PTPRM: variants seen among roughly 807,000 people sequenced by gnomAD.
PTPRM encodes protein tyrosine phosphatase receptor type M.
A neutral mutation model predicts 186.7 loss-of-function variants in PTPRM; 47 were observed. That is an observed-to-expected ratio of 0.25 (90% confidence interval 0.20 to 0.32). The LOEUF (loss-of-function observed/expected upper bound fraction) is 0.32, where lower values mean the gene tolerates loss of function less well. PTPRM is among the 10% of genes least tolerant of loss of function. PTPRM has a pLI of 1.00. For missense variants in PTPRM, 1,494 were observed against 1,865.0 expected, an observed-to-expected ratio of 0.80 and a Z score of 3.66; for synonymous variants, 668 against 674.9, an observed-to-expected ratio of 0.99 and a Z score of 0.16.
At position 8,406,719 on chromosome 18, in the gene PTPRM, A is replaced by G. The variant is rs544702595; in HGVS notation, c.*557A>G. The G allele has an allele frequency of 3.9e-5, 6 of 152,554 alleles. No homozygotes were observed. In the South Asian group the frequency reaches 1.2e-3, roughly 32 times the overall value. The allele number at this position is 152,554 out of a possible 1,614,324, so 9.5% of individuals were successfully genotyped here. A position where few individuals can be genotyped will look rare whatever the true frequency, so the allele number is the denominator to read the frequency against. On this transcript the variant is annotated 3_prime_UTR_variant, in exon 33 of 33. Transcript: ENST00000580170. ...AGATTTGTATTGTTTCCAAGGGAAA[A>G]GCTTGGGGGAGGACTCAGTTCACAA...
At chr18:7,688,786 A>G (rs1298677685) in intron 1 of PTPRM, among the ~76,000 whole-genome samples, 1 of 152,120 alleles carries the variant, frequency 6.6e-6, no homozygotes, top group African/African-American at 2.4e-5. Flanking sequence ...GAATAAATTT[A>G]TTCCTGTATT....
intron 14 of PTPRM, among the ~76,000 whole-genome samples, chr18:8,228,079 G>T (rs1031826392): frequency 6.6e-6 from 1 of 152,352 alleles, no homozygotes; most frequent in South Asian, 2.1e-4. Context: ...GGGGAATGGC[G>T]TTAGGCGCTC....
chr18:7,981,740 T>C, intron 7 of PTPRM, among the ~76,000 whole-genome samples: 1 of 152,154 alleles, frequency 6.6e-6, no homozygotes, highest in East Asian at 1.9e-4. Flanking sequence ...CAATCAGAGG[T>C]AGCAAGGCCA....
intron 1 of PTPRM, among the ~76,000 whole-genome samples, chr18:7,752,080 A>G (rs893028969): frequency 1.3e-5 from 2 of 152,202 alleles, no homozygotes; most frequent in Admixed American, 6.5e-5. Flanking sequence ...ACCAAGCGTA[A>G]TGACACCTTT....
chr18:7,613,109 G>A (rs1372776884), intron 1 of PTPRM, among the ~76,000 whole-genome samples: 1 of 152,080 alleles, frequency 6.6e-6, no homozygotes, highest in Non-Finnish European at 1.5e-5. Context: ...CATGTGCCTG[G>A]GAAGATAGGT....
chr18:7,939,162 C>T (rs771575934), intron 5 of PTPRM, among the ~76,000 whole-genome samples: 5 of 152,188 alleles, frequency 3.3e-5, no homozygotes, highest in Non-Finnish European at 7.3e-5. Context: ...CAATCAATAT[C>T]TCACAAATGG....
At chr18:8,368,142 C>T (rs1015438664) in intron 23 of PTPRM, among the ~76,000 whole-genome samples, 2 of 150,846 alleles carry the variant, frequency 1.3e-5, no homozygotes, top group Admixed American at 6.7e-5. Context: ...GCTTGCATAA[C>T]TGAAGTCACA....
chr18:8,005,254 T>A (rs566538562), intron 7 of PTPRM, among the ~76,000 whole-genome samples: 178 of 152,292 alleles, frequency 1.2e-3, no homozygotes, highest in African/African-American at 4.0e-3. Flanking sequence ...ATCAAAAAAA[T>A]TCATAAACCC....
intron 2 of PTPRM, among the ~76,000 whole-genome samples, chr18:7,861,644 C>G (rs1328964880): frequency 6.6e-6 from 1 of 151,976 alleles, no homozygotes; most frequent in African/African-American, 2.4e-5. Context: ...GGATCTGGTT[C>G]GTTTTGGTGG....
At chr18:8,176,342 G>A (rs2146524157) in intron 14 of PTPRM, among the ~76,000 whole-genome samples, 1 of 152,340 alleles carries the variant, frequency 6.6e-6, no homozygotes, top group South Asian at 2.1e-4. Context: ...TCTATTGCCA[G>A]TGATTTCAGA....
At chr18:8,401,400 GCA>G (rs765247909) in intron 32 of PTPRM, among the ~76,000 whole-genome samples, 1 of 152,206 alleles carries the variant, frequency 6.6e-6, no homozygotes, top group Non-Finnish European at 1.5e-5. Flanking sequence ...GGTCTCCTTG[GCA>G]CAGAGTGGCT....
At chr18:8,339,206 T>C (rs2148227425) in intron 22 of PTPRM, among the ~76,000 whole-genome samples, 1 of 152,218 alleles carries the variant, frequency 6.6e-6, no homozygotes, top group East Asian at 1.9e-4. Flanking sequence ...CGCCCCCTTT[T>C]TTTTCCCTTT....
At chr18:7,911,378 A>G (rs964265632) in intron 4 of PTPRM, among the ~76,000 whole-genome samples, 13 of 152,170 alleles carry the variant, frequency 8.5e-5, no homozygotes, top group East Asian at 1.9e-4. Flanking sequence ...TATGATTTCA[A>G]TTTCTTCATA....
At chr18:7,889,937 G>A (rs1407366519) in intron 3 of PTPRM, among the ~76,000 whole-genome samples, 1 of 152,210 alleles carries the variant, frequency 6.6e-6, no homozygotes, top group Non-Finnish European at 1.5e-5. Context: ...GTAACTGAAG[G>A]GCGGAGGCCC....
chr18:8,349,867 A>G (rs2095525081), intron 23 of PTPRM, among the ~76,000 whole-genome samples: 1 of 152,226 alleles, frequency 6.6e-6, no homozygotes, highest in African/African-American at 2.4e-5. Context: ...TATCAGTCCC[A>G]GTAGCAGCGT....
chr18:8,304,347 C>T (rs1341897206), intron 20 of PTPRM, among the ~76,000 whole-genome samples: 2 of 152,202 alleles, frequency 1.3e-5, no homozygotes, highest in Admixed American at 1.3e-4. Context: ...TCACCCCAGT[C>T]CAATGCATGC....
intron 13 of PTPRM, among the ~76,000 whole-genome samples, chr18:8,132,866 G>T (rs1217073648): frequency 1.3e-5 from 2 of 152,054 alleles, no homozygotes; most frequent in Non-Finnish European, 2.9e-5. Context: ...TTTTATCATT[G>T]ATGAAAGTTT....
intron 1 of PTPRM, among the ~76,000 whole-genome samples, chr18:7,730,158 A>C (rs1185377863): frequency 6.6e-6 from 1 of 152,186 alleles, no homozygotes; most frequent in South Asian, 2.1e-4. Context: ...ACTAAAATGC[A>C]TGATAACTTT....
In PTPRM at chr18:8,207,885, G is replaced by T. The variant is rs538671436; in HGVS notation, c.2301-36173G>T. 5.6e-4 allele frequency among the ~76,000 whole-genome samples: 85 copies of T among 152,334 alleles called. No homozygotes were observed. The South Asian group carries it at 0.012, about 21-fold the overall frequency. On this transcript the variant is annotated intron_variant, in intron 14 of 32. Transcript: ENST00000580170. The stretch of plus-strand genomic sequence containing the variant: ...AGCAATGAGGTTGCTGAATAAAAAA[G>T]TGTATGTTTGTGTGTGTTAGTGTGT...
Sources: allele counts gnomAD v4.1 joint callset (sites outside exome capture counted in the v4.1 genomes callset), GRCh38; gene constraint gnomAD v4.1.1; transcripts MANE v1.5; gene names NCBI Gene and HGNC (gene_info 2026-07-23, HGNC 2026-07-21).